The following LYZL1 variants were observed in gnomAD, a reference collection of about 807,000 sequenced individuals.
LYZL1 encodes lysozyme-like protein 1.
LYZL1 carries 16 observed loss-of-function variants against 17.9 expected under a neutral mutation model. The observed-to-expected ratio is 0.90, with a 90% CI of 0.61 to 1.36. The LOEUF is 1.36. Among genes scored for constraint, LYZL1 ranks in the 40% most tolerant of loss-of-function variants. The probability of loss-of-function intolerance (pLI) is 0.00; values close to 1 mark genes in which losing one functional copy is unlikely to be tolerated. For missense variants in LYZL1, 149 were observed against 188.4 expected (o/e 0.79, Z 1.22); for synonymous variants, 58 against 71.8 (o/e 0.81, Z 0.97).
intron 3 of LYZL1, among the ~76,000 whole-genome samples, chr10:29,296,248 G>C (rs1321307384): frequency 6.6e-6 from 1 of 152,168 alleles, no homozygotes; most frequent in African/African-American, 2.4e-5. Flanking sequence ...AAAACATTTA[G>C]AAGCTGGAAA....
intron 1 of LYZL1, among the ~76,000 whole-genome samples, chr10:29,290,674 A>G (rs10826591): frequency 0.46 from 70,263 of 151,886 alleles, 16,338 homozygotes; most frequent in Middle Eastern, 0.51. Flanking sequence ...CCTCATCTAT[A>G]CTAGAAACAC....
At chr10:29,309,975 G>A in intron 3 of LYZL1, 135 bp from the exon 4 acceptor site, 1 of 609,632 alleles carries the variant, frequency 1.6e-6, no homozygotes, top group Non-Finnish European at 2.8e-6. Flanking sequence ...ATAAGATTGT[G>A]GCTTTGCAGG....
Position 29,292,660 on chromosome 10 carries a change from G to A in LYZL1, c.281G>A (p.Cys94Tyr), listed in dbSNP as rs1835388012. ...RRGKLKENNHCHVACSALITD... is the reference protein window; with the variant it reads ...RRGKLKENNHYHVACSALITD... ...GGAAAGCTGAAGGAGAACAACCACT[G>A]CCATGTCGCCTGCTCAGGTGAGGCT... is the stretch of plus-strand genomic sequence containing the variant. Residue 94 changes from cysteine (C) to tyrosine (Y), a missense_variant, in exon 3 of 5, where the codon TGC becomes TAC. Cys to Tyr is a radical substitution (Grantham distance 194, BLOSUM62 -2). Transcript: ENST00000649382. 2 of 1,613,756 alleles carry A rather than the reference G, an allele frequency of 1.2e-6. No homozygotes were observed. Among genetic ancestry groups the A allele is most frequent in the African/African-American group, 2.7e-5 (2 of 74,948 alleles).
downstream of LYZL1, among the ~76,000 whole-genome samples, chr10:29,315,988 C>T (rs1054457978): frequency 5.3e-5 from 8 of 152,162 alleles, no homozygotes; most frequent in South Asian, 2.1e-4. Context: ...TTGAAGGGTC[C>T]GACTGCTTGA....
chr10:29,313,604 C>A (rs1428956124), downstream of LYZL1, among the ~76,000 whole-genome samples: 3 of 152,194 alleles, frequency 2.0e-5, no homozygotes, highest in East Asian at 5.8e-4. Flanking sequence ...CTACTCTTCC[C>A]CTTCCCCCAT....
At chr10:29,300,107 A>C (rs1835497469) in intron 3 of LYZL1, among the ~76,000 whole-genome samples, 1 of 152,132 alleles carries the variant, frequency 6.6e-6, no homozygotes, top group Non-Finnish European at 1.5e-5. Flanking sequence ...TGGGACATAC[A>C]TCGTGGAACC....
At chr10:29,289,707 C>T (rs1373337712) in intron 1 of LYZL1, among the ~76,000 whole-genome samples, 4 of 152,214 alleles carry the variant, frequency 2.6e-5, no homozygotes, top group Non-Finnish European at 5.9e-5. Context: ...GTATCACCCA[C>T]CATGCCTGGC....
chr10:29,303,883 G>C (rs117171644), intron 3 of LYZL1, among the ~76,000 whole-genome samples: 2 of 152,192 alleles, frequency 1.3e-5, no homozygotes, highest in Non-Finnish European at 2.9e-5. Flanking sequence ...GGTACGTGAC[G>C]TTATATGCAT....
At chr10:29,303,214 T>C (rs1427664961) in intron 3 of LYZL1, among the ~76,000 whole-genome samples, 3 of 152,194 alleles carry the variant, frequency 2.0e-5, no homozygotes, top group African/African-American at 7.2e-5. Context: ...GGGTAGCTCC[T>C]GCCTCCCAGG....
intron 1 of LYZL1, among the ~76,000 whole-genome samples, chr10:29,291,252 G>T (rs1478177134): frequency 6.6e-6 from 1 of 152,156 alleles, no homozygotes; most frequent in African/African-American, 2.4e-5. Context: ...GTAAGCTAGA[G>T]AAATGAAATG....
chr10:29,290,732 A>G (rs1159146162), intron 1 of LYZL1, among the ~76,000 whole-genome samples: 15 of 152,058 alleles, frequency 9.9e-5, no homozygotes, highest in Non-Finnish European at 2.9e-5. Context: ...CCAGCTACTC[A>G]GGAGGCTGAG....
At chr10:29,316,707 C>CTTTTTTTTTTTTTTTTTT in intron 3 of LYZL1, among the ~76,000 whole-genome samples, 1 of 126,390 alleles carries the variant, frequency 7.9e-6, no homozygotes, top group South Asian at 2.5e-4. Flanking sequence ...TTTCCTTTTC[C>CTTTTTTTTTTTTTTTTTT]TTTTTTTTTT....
intron 3 of LYZL1, among the ~76,000 whole-genome samples, chr10:29,301,887 G>A (rs535657108): frequency 2.2e-4 from 33 of 147,992 alleles, no homozygotes; most frequent in African/African-American, 8.3e-4. Flanking sequence ...AGTTTCCATT[G>A]TTATGTCTTC....
intron 1 of LYZL1, 101 bp downstream of exon 1, chr10:29,289,331 C>T (rs2132809493): frequency 4.2e-6 from 4 of 947,704 alleles, no homozygotes; most frequent in Non-Finnish European, 5.8e-6. Flanking sequence ...TTTCTTTGGA[C>T]TTGTTTGAGA....
chr10:29,301,693 G>A (rs1416530984), intron 3 of LYZL1, among the ~76,000 whole-genome samples: 2 of 151,894 alleles, frequency 1.3e-5, no homozygotes, highest in Admixed American at 6.6e-5. Flanking sequence ...TTAACATTTT[G>A]TACCCCTGAG....
intron 3 of LYZL1, among the ~76,000 whole-genome samples, chr10:29,295,105 ATATGT>A (rs1284417909): frequency 6.6e-6 from 1 of 152,216 alleles, no homozygotes; most frequent in Non-Finnish European, 1.5e-5. Context: ...TGACTGAATA[ATATGT>A]TAAGTTACCT....
chr10:29,309,095 G>A (rs545285649), intron 3 of LYZL1, among the ~76,000 whole-genome samples: 2 of 151,836 alleles, frequency 1.3e-5, no homozygotes, highest in African/African-American at 4.8e-5. Flanking sequence ...TTGGGAGGCC[G>A]AGGTGGGTGG....
chr10:29,292,088 G>C, intron 2 of LYZL1, 82 bp downstream of exon 2: 1 of 1,536,600 alleles, frequency 6.5e-7, no homozygotes, highest in South Asian at 1.3e-5. Context: ...ACTCCCTGCT[G>C]TGTCTTCCCA....
chr10:29,313,257 T>C (rs1198817396), downstream of LYZL1, among the ~76,000 whole-genome samples: 1 of 152,352 alleles, frequency 6.6e-6, no homozygotes, highest in East Asian at 1.9e-4. Flanking sequence ...TGAAGAAAAT[T>C]TGAAAAATGT....
Sources: gnomAD v4.1 joint callset for allele counts (sites outside exome capture counted in the v4.1 genomes callset) on GRCh38, gnomAD v4.1.1 for gene constraint, MANE v1.5 for transcripts, NCBI Gene and HGNC (gene_info 2026-07-23, HGNC 2026-07-21) for gene names.